CDK14: variants seen among roughly 807,000 people sequenced by gnomAD.
The protein encoded by CDK14 is cyclin dependent kinase 14, also known as cyclin-dependent kinase 14.
A neutral mutation model predicts 60.7 loss-of-function variants in CDK14; 34 were observed. The ratio of observed to expected loss-of-function variants is 0.56; its 90% CI spans 0.43 to 0.75. The LOEUF is 0.75. CDK14 is among the 30% of genes least tolerant of loss of function. The pLI, the probability that CDK14 is intolerant of heterozygous loss-of-function variation, is 0.00. For missense variants in CDK14, 482 were observed against 564.1 expected (o/e 0.85, Z 1.47); for synonymous variants, 197 against 203.7 (o/e 0.97, Z 0.28).
chr7:90,888,766 C>A (rs951237296), intron 6 of CDK14, among the ~76,000 whole-genome samples: 1 of 152,110 alleles, frequency 6.6e-6, no homozygotes, highest in East Asian at 1.9e-4. Flanking sequence ...TTTTTTCTTC[C>A]TTTTTAAACA....
At chr7:91,133,811 A>G (rs1490737181) in intron 14 of CDK14, among the ~76,000 whole-genome samples, 1 of 152,164 alleles carries the variant, frequency 6.6e-6, no homozygotes, top group Non-Finnish European at 1.5e-5. Context: ...CTTTGACGCT[A>G]TCTCATTACC....
At chr7:91,003,854 C>T (rs966893376) in intron 10 of CDK14, among the ~76,000 whole-genome samples, 1 of 152,164 alleles carries the variant, frequency 6.6e-6, no homozygotes, top group African/African-American at 2.4e-5. Context: ...TGGGGGCAGG[C>T]AGTAAGTAAA....
intron 10 of CDK14, among the ~76,000 whole-genome samples, chr7:91,000,427 T>C (rs564546752): frequency 3.9e-5 from 6 of 152,366 alleles, no homozygotes; most frequent in Non-Finnish European, 7.3e-5. Context: ...ATGTACACAC[T>C]TATTCCAGAT....
intron 12 of CDK14, among the ~76,000 whole-genome samples, chr7:91,090,775 G>A (rs1351041353): frequency 6.6e-6 from 1 of 152,068 alleles, no homozygotes; most frequent in Non-Finnish European, 1.5e-5. Flanking sequence ...GTTGAATATT[G>A]AATGTCTCTC....
rs141367970 is a variant in CDK14 at position 90,777,035 on chromosome 7, A to G, written c.465-13538A>G. ...GTTAGTTAAAAAAAAAAAAAAAGTC[A>G]TACTTAAATAACCTTAATTCCTTGT... On this transcript the variant is annotated intron_variant, in intron 4 of 14. Coordinates refer to ENST00000380050, the MANE Select transcript of CDK14 (RefSeq NM_001287135.2). Among the ~76,000 whole-genome samples the G allele has an allele frequency of 8.3e-3, 1,268 of 152,226 alleles. 26 individuals are homozygous for G. Among genetic ancestry groups the G allele is most frequent in the African/African-American group, 0.026 (1,099 of 41,532 alleles).
At chr7:90,955,207 A>C (rs958345490) in intron 8 of CDK14, among the ~76,000 whole-genome samples, 2 of 152,178 alleles carry the variant, frequency 1.3e-5, no homozygotes, top group African/African-American at 2.4e-5. Flanking sequence ...AACCACAAGA[A>C]ATTTTAGGAC....
At chr7:90,810,352 C>T (rs1013464895) in intron 5 of CDK14, among the ~76,000 whole-genome samples, 11 of 152,126 alleles carry the variant, frequency 7.2e-5, no homozygotes, top group Admixed American at 7.2e-4. Flanking sequence ...AGCGTAGAAA[C>T]AGAACCAAAG....
At chr7:90,784,566 A>T (rs1170995850) in intron 4 of CDK14, among the ~76,000 whole-genome samples, 1 of 152,218 alleles carries the variant, frequency 6.6e-6, no homozygotes, top group East Asian at 1.9e-4. Flanking sequence ...AGTTTTTTTA[A>T]AAAGAAATTA....
chr7:90,881,995 A>G (rs1791770974), intron 6 of CDK14, among the ~76,000 whole-genome samples: 1 of 152,190 alleles, frequency 6.6e-6, no homozygotes, highest in Non-Finnish European at 1.5e-5. Flanking sequence ...ACCAAAATAT[A>G]AAGACCAATG....
At chr7:91,202,848 G>A (rs537504208) in intron 14 of CDK14, among the ~76,000 whole-genome samples, 2 of 152,238 alleles carry the variant, frequency 1.3e-5, no homozygotes, top group South Asian at 4.2e-4. Context: ...CCTAATCACT[G>A]TGTTCACTGT....
chr7:90,934,711 A>G (rs750665334), intron 8 of CDK14, among the ~76,000 whole-genome samples: 1 of 152,226 alleles, frequency 6.6e-6, no homozygotes, highest in Non-Finnish European at 1.5e-5. Flanking sequence ...ATGTTTTTAA[A>G]TGTTCCTTAA....
At chr7:91,115,457 C>T (rs1341604835) in intron 13 of CDK14, among the ~76,000 whole-genome samples, 1 of 152,090 alleles carries the variant, frequency 6.6e-6, no homozygotes, top group African/African-American at 2.4e-5. Context: ...CCTAATTACC[C>T]TCCTAAGGCC....
At chr7:90,972,226 A>C (rs1794952653) in intron 9 of CDK14, among the ~76,000 whole-genome samples, 1 of 152,196 alleles carries the variant, frequency 6.6e-6, no homozygotes, top group Admixed American at 6.5e-5. Flanking sequence ...GTTCTTGACT[A>C]AGATATATTG....
At chr7:91,059,272 G>A (rs915278144) in intron 11 of CDK14, among the ~76,000 whole-genome samples, 1 of 152,066 alleles carries the variant, frequency 6.6e-6, no homozygotes, top group Non-Finnish European at 1.5e-5. Context: ...ATTTTTTATT[G>A]CATCTATTTG....
chr7:90,824,984 C>T (rs537154498), intron 5 of CDK14, among the ~76,000 whole-genome samples: 1 of 152,262 alleles, frequency 6.6e-6, no homozygotes, highest in African/African-American at 2.4e-5. Context: ...GTGGCTTTGG[C>T]TCAGACAAGC....
intron 4 of CDK14, among the ~76,000 whole-genome samples, chr7:90,758,694 AC>A (rs1804184572): frequency 1.3e-5 from 2 of 152,234 alleles, no homozygotes; most frequent in African/African-American, 4.8e-5. Context: ...GGGAGATGGT[AC>A]AAATACATAA....
intron 5 of CDK14, among the ~76,000 whole-genome samples, chr7:90,800,791 A>G (rs1788605952): frequency 6.6e-6 from 1 of 152,226 alleles, no homozygotes; most frequent in Non-Finnish European, 1.5e-5. Context: ...GTAGAAGTCC[A>G]AAATCAGGAT....
chr7:90,708,509 T>A (rs1801950716), intron 2 of CDK14, among the ~76,000 whole-genome samples: 1 of 152,208 alleles, frequency 6.6e-6, no homozygotes, highest in Non-Finnish European at 1.5e-5. Context: ...GAACAATAAC[T>A]TTTTAAAAAG....
intron 5 of CDK14, among the ~76,000 whole-genome samples, chr7:90,817,407 C>T (rs1032480008): frequency 3.3e-5 from 5 of 152,112 alleles, no homozygotes; most frequent in Admixed American, 2.0e-4. Flanking sequence ...CAGAACTTGG[C>T]GGTGGTTCTG....
Sources: allele counts gnomAD v4.1 joint callset (sites outside exome capture counted in the v4.1 genomes callset), GRCh38; gene constraint gnomAD v4.1.1; transcripts MANE v1.5; gene names NCBI Gene and HGNC (gene_info 2026-07-23, HGNC 2026-07-21).